The following APAF1 variants were observed in gnomAD, a reference collection of about 807,000 sequenced individuals.
APAF1 encodes the protein apoptotic protease-activating factor 1.
A neutral mutation model predicts 152.4 loss-of-function variants in APAF1; 91 were observed. The ratio of observed to expected loss-of-function variants is 0.60; its 90% CI spans 0.50 to 0.71. APAF1 has a LOEUF of 0.71. APAF1 is among the 30% of genes least tolerant of loss of function. APAF1 has a pLI of 0.00. For missense variants in APAF1, 1,283 were observed against 1,472.0 expected, an observed-to-expected ratio of 0.87 and a Z score of 2.10; for synonymous variants, 484 against 494.1, an observed-to-expected ratio of 0.98 and a Z score of 0.27.
intron 4 of APAF1, among the ~76,000 whole-genome samples, chr12:98,656,864 G>A (rs867055833): frequency 6.6e-6 from 1 of 152,114 alleles, no homozygotes; most frequent in African/African-American, 2.4e-5. Flanking sequence ...CCCTTCTCCA[G>A]CTGAATGCTT....
chr12:98,678,599 G>C (rs192709057), intron 13 of APAF1, among the ~76,000 whole-genome samples: 359 of 152,242 alleles, frequency 2.4e-3, no homozygotes, highest in African/African-American at 7.9e-3. Context: ...CCTTCCCCCT[G>C]GTGCAGCTGT....
At chr12:98,714,385 A>G (rs2097731584) in intron 21 of APAF1, among the ~76,000 whole-genome samples, 1 of 152,222 alleles carries the variant, frequency 6.6e-6, no homozygotes, top group East Asian at 1.9e-4. Flanking sequence ...CATATCATCA[A>G]ATAATAGCAA....
rs770761439 is a variant in APAF1, at chr12:98,648,757, C to G, written c.270C>G (p.Gly90=). 6.2e-7 allele frequency: 1 copy of G among 1,613,918 alleles called. No homozygotes were observed. The highest frequency in any genetic ancestry group is 1.3e-5 in the African/African-American group (1 of 74,938). ...YKDLAALLHD[G]IPVVSSSSGK... is the part of the protein sequence containing the mutation. ...ATCTTGCTGCCCTTCTCCATGATGG[C>G]ATTCCTGTTGTCTCTTCTTCCAGTG... Residue 90 remains glycine, a synonymous_variant, in exon 3 of 27, where the codon GGC becomes GGG. Transcript: ENST00000551964.
In APAF1 at chr12:98,648,831, A is replaced by G; in HGVS notation, c.328+16A>G. 1 of 1,608,350 alleles carries G rather than the reference A, an allele frequency of 6.2e-7. No individual in the cohort carries two copies. The highest frequency in any genetic ancestry group is 8.5e-7 in the Non-Finnish European group (1 of 1,175,398). Reference sequence around the variant, plus strand: ...ACTTCGTATGGTTTGTATCCATTATACCTTCTATCACTTTGCTATCAAAAT... The same window carrying G: ...ACTTCGTATGGTTTGTATCCATTATGCCTTCTATCACTTTGCTATCAAAAT... On this transcript the variant is annotated intron_variant, in intron 3 of 26. Coordinates refer to ENST00000551964, the MANE Select transcript of APAF1 (RefSeq NM_181861.2).
At chr12:98,672,545 A>G (rs1167914361) in intron 12 of APAF1, among the ~76,000 whole-genome samples, 1 of 151,982 alleles carries the variant, frequency 6.6e-6, no homozygotes. Flanking sequence ...TTAAATGACC[A>G]CTGAACCCTG....
At chr12:98,673,037 C>T (rs904997498) in intron 12 of APAF1, among the ~76,000 whole-genome samples, 5 of 151,922 alleles carry the variant, frequency 3.3e-5, no homozygotes, top group African/African-American at 1.2e-4. Flanking sequence ...GGATTACAGG[C>T]GTGAGCCACT....
intron 15 of APAF1, among the ~76,000 whole-genome samples, chr12:98,685,500 C>A (rs2153326185): frequency 6.6e-6 from 1 of 151,788 alleles, no homozygotes; most frequent in South Asian, 2.1e-4. Flanking sequence ...CCATGCCTGG[C>A]TAATTTTTTG....
At chr12:98,649,029 A>G (rs1367835336) in intron 3 of APAF1, 2 of 710,756 alleles carry the variant, frequency 2.8e-6, no homozygotes, top group Non-Finnish European at 4.6e-6. Context: ...CTGCTGAGAT[A>G]ATAATATGTC....
chr12:98,718,315 C>G (rs1273376494), intron 22 of APAF1, among the ~76,000 whole-genome samples: 1 of 152,138 alleles, frequency 6.6e-6, no homozygotes. Context: ...TCACTGAAAC[C>G]TCCACCTCCG....
At position 98,732,731 on chromosome 12, in the gene APAF1, T is replaced by C. The variant is rs2097764166; in HGVS notation, c.*165T>C. On this transcript the variant is annotated 3_prime_UTR_variant, in exon 27 of 27. Coordinates refer to ENST00000551964, the MANE Select transcript of APAF1 (RefSeq NM_181861.2). ...GATGAATAATATTAATGTAGCTTTTTCCCAAATGAACATACCTTTAATCTT... is the reference window on the plus strand; with the variant it reads ...GATGAATAATATTAATGTAGCTTTTCCCCAAATGAACATACCTTTAATCTT... 1 of 598,912 alleles carries C rather than the reference T, an allele frequency of 1.7e-6. No homozygotes were observed. The highest frequency in any genetic ancestry group is 3.0e-5 in the Admixed American group (1 of 32,990). The allele number at this position is 598,912 out of a possible 1,614,324, so 37.1% of individuals were successfully genotyped here. A position where few individuals can be genotyped will look rare whatever the true frequency, so the allele number is the denominator to read the frequency against.
intron 16 of APAF1, among the ~76,000 whole-genome samples, chr12:98,695,125 T>C (rs1038881021): frequency 5.9e-5 from 9 of 152,002 alleles, no homozygotes; most frequent in Non-Finnish European, 1.0e-4. Context: ...TGATCTCAGC[T>C]CACCACAACC....
chr12:98,684,383 C>T (rs986666103), intron 15 of APAF1, among the ~76,000 whole-genome samples: 1 of 150,160 alleles, frequency 6.7e-6, no homozygotes, highest in African/African-American at 2.5e-5. Context: ...CCCCCTTTCC[C>T]TCTCCTCTCT....
chr12:98,648,375 C>T lies in APAF1; in HGVS notation c.16C>T (p.Arg6Ter). 8 of 1,613,996 alleles carry T rather than the reference C, an allele frequency of 5.0e-6. No homozygotes were observed. The highest frequency in any genetic ancestry group is 6.8e-6 in the Non-Finnish European group (8 of 1,179,976). The part of the protein sequence containing the change: MDAKA[R>*]NCLLQHREAL... The stretch of plus-strand genomic sequence containing the variant: ...CTGAGGGAAGATGGATGCAAAAGCT[C>T]GAAATTGTTTGCTTCAACATAGAGA... The change falls in exon 2 of 27, where the codon CGA becomes TGA. Residue 6 changes from arginine (R) to a stop codon, truncating the protein, a stop_gained. Transcript: ENST00000551964. LOFTEE classifies it high-confidence loss of function.
At position 98,733,796 on chromosome 12, in the gene APAF1, C is replaced by T. The variant is rs955143409; in HGVS notation, c.*1230C>T. On this transcript the variant is annotated 3_prime_UTR_variant, in exon 27 of 27. Transcript: ENST00000551964. ...GAAAGAGTAGATTTTATTGGTCTAC[C>T]CTTTTCTCACTGTAGCTGCTGGCAG... 6.6e-6 allele frequency: 1 copy of T among 152,110 alleles called. No homozygotes were observed. The highest frequency in any genetic ancestry group is 2.1e-4 in the South Asian group (1 of 4,824). 9.4% of individuals were successfully genotyped at this position (152,110 alleles called of 1,614,324 possible). A position where few individuals can be genotyped will look rare whatever the true frequency, so the allele number is the denominator to read the frequency against.
At chr12:98,668,301 A>G (rs1323611644) in intron 10 of APAF1, among the ~76,000 whole-genome samples, 4 of 152,162 alleles carry the variant, frequency 2.6e-5, no homozygotes, top group African/African-American at 9.7e-5. Context: ...CTCAGAATTA[A>G]TCCTCTTCTT....
At chr12:98,647,142 G>A (rs2097642040) in intron 1 of APAF1, among the ~76,000 whole-genome samples, 1 of 151,910 alleles carries the variant, frequency 6.6e-6, no homozygotes, top group African/African-American at 2.4e-5. Context: ...GGCCGGGCAT[G>A]GTGGGGCTCA....
At chr12:98,679,275 A>T (rs907189829) in intron 13 of APAF1, among the ~76,000 whole-genome samples, 2 of 152,036 alleles carry the variant, frequency 1.3e-5, no homozygotes, top group African/African-American at 4.8e-5. Context: ...TGTGCAGATG[A>T]CAGGAGGACC....
chr12:98,655,791 T>C (rs1467227336), intron 4 of APAF1, among the ~76,000 whole-genome samples: 10 of 151,132 alleles, frequency 6.6e-5, no homozygotes, highest in African/African-American at 2.2e-4. Flanking sequence ...ATTTTTCTTT[T>C]TTTTTTTTTT....
chr12:98,732,983 AC>A lies in APAF1; in HGVS notation c.*421del. ...GTGGCCTGCTTTTTGAACCACACTT[AC>A]CCCAAGGGGGTTTTGTTCTCCTAAA... On this transcript the variant is annotated 3_prime_UTR_variant, in exon 27 of 27. Transcript: ENST00000551964. 1 of 192,730 alleles carries A rather than the reference AC, an allele frequency of 5.2e-6. No homozygotes were observed. The highest frequency in any genetic ancestry group is 1.0e-4 in the South Asian group (1 of 9,936). The allele number at this position is 192,730 out of a possible 1,614,324, so 11.9% of individuals were successfully genotyped here. A position where few individuals can be genotyped will look rare whatever the true frequency, so the allele number is the denominator to read the frequency against.
Sources: allele counts gnomAD v4.1 joint callset (sites outside exome capture counted in the v4.1 genomes callset), GRCh38; gene constraint gnomAD v4.1.1; transcripts MANE v1.5; gene names NCBI Gene and HGNC (gene_info 2026-07-23, HGNC 2026-07-21).